The following ABHD18 variants were observed in gnomAD, a reference collection of about 807,000 sequenced individuals.
ABHD18 encodes the protein cardiolipin-specific deacylase, mitochondrial.
ABHD18 carries 55 observed loss-of-function variants against 65.9 expected under a neutral mutation model. That is an observed-to-expected ratio of 0.84 (90% CI 0.67 to 1.05). ABHD18 has a LOEUF of 1.05. Ranked by LOEUF, ABHD18 falls within the 50% of genes least tolerant of loss-of-function variation. The pLI is 0.00. For synonymous variants in ABHD18, 181 were observed against 180.2 expected (o/e 1.00, Z -0.04); for missense variants, 533 against 558.5 (o/e 0.95, Z 0.46).
intron 1 of ABHD18, among the ~76,000 whole-genome samples, chr4:127,976,557 G>A (rs1747963872): frequency 6.6e-6 from 1 of 152,022 alleles, no homozygotes; most frequent in Non-Finnish European, 1.5e-5. Context: ...ATACTGTTCA[G>A]CCTTTTGTGG....
chr4:128,035,739 T>C (rs1047303373), intron 12 of ABHD18, 23 bp from the exon 13 acceptor site: 5 of 1,453,006 alleles, frequency 3.4e-6, no homozygotes, highest in Non-Finnish European at 4.7e-6. Flanking sequence ...TACTTAGAGT[T>C]TTTCTTTCAT....
At chr4:128,027,327 T>C (rs182241767) in intron 10 of ABHD18, among the ~76,000 whole-genome samples, 17 of 152,318 alleles carry the variant, frequency 1.1e-4, no homozygotes, top group Middle Eastern at 3.4e-3. Flanking sequence ...AAGCAACACA[T>C]AAGTGTATTT....
intron 9 of ABHD18, among the ~76,000 whole-genome samples, 187 bp downstream of exon 9, chr4:128,020,356 G>C (rs1361389661): frequency 6.6e-6 from 1 of 152,220 alleles, no homozygotes; most frequent in Non-Finnish European, 1.5e-5. Context: ...GAAGGAAAAA[G>C]CGCATGAGGT....
intron 1 of ABHD18, among the ~76,000 whole-genome samples, chr4:127,974,188 G>GTTTTGT (rs1560817824): frequency 2.0e-5 from 2 of 101,488 alleles, no homozygotes; most frequent in South Asian, 3.5e-4. Flanking sequence ...CTTAAGTTCT[G>GTTTTGT]TTTTTTTTTT....
At chr4:128,033,263 A>T (rs1758463951) in intron 12 of ABHD18, among the ~76,000 whole-genome samples, 1 of 152,048 alleles carries the variant, frequency 6.6e-6, no homozygotes, top group Non-Finnish European at 1.5e-5. Flanking sequence ...CAAAAAAAAA[A>T]TTATCCAGTG....
intron 1 of ABHD18, among the ~76,000 whole-genome samples, chr4:127,978,918 A>G (rs1748469333): frequency 6.6e-6 from 1 of 152,206 alleles, no homozygotes; most frequent in Non-Finnish European, 1.5e-5. Flanking sequence ...GAAAAATCGT[A>G]AGTTGAACCA....
At chr4:127,979,931 A>C (rs888141249) in intron 1 of ABHD18, among the ~76,000 whole-genome samples, 2 of 151,794 alleles carry the variant, frequency 1.3e-5, no homozygotes, top group African/African-American at 4.8e-5. Flanking sequence ...AAAAAAAAAA[A>C]AAAAGACAAT....
At chr4:127,987,559 A>C (rs1750183115) in intron 3 of ABHD18, among the ~76,000 whole-genome samples, 1 of 151,794 alleles carries the variant, frequency 6.6e-6, no homozygotes, top group Non-Finnish European at 1.5e-5. Flanking sequence ...AAAATAGAAA[A>C]AAATTGGCCA....
At position 128,020,934 on chromosome 4, in the gene ABHD18, G is replaced by A. The variant is rs566888685; in HGVS notation, c.700-203G>A. ...CTGTAGTCTCAGCTACTTGGGAGGCGGAGGCAGGAGAATTGCTTGAACCCA... is the reference window on the plus strand; with the variant it reads ...CTGTAGTCTCAGCTACTTGGGAGGCAGAGGCAGGAGAATTGCTTGAACCCA... On this transcript the variant is annotated intron_variant, in intron 9 of 12. Coordinates refer to ENST00000645843, the MANE Select transcript of ABHD18 (RefSeq NM_001358451.3). Among the ~76,000 whole-genome samples the A allele has an allele frequency of 3.9e-5, 6 of 151,950 alleles. No individual in the cohort carries two copies. The East Asian group carries it at 5.8e-4, about 15-fold the overall frequency.
chr4:127,982,834 T>G, intron 1 of ABHD18, 105 bp from the exon 2 acceptor site: 1 of 612,156 alleles, frequency 1.6e-6, no homozygotes, highest in Non-Finnish European at 2.8e-6. Context: ...TTAATTCGTC[T>G]CAATCTTTAA....
intron 10 of ABHD18, among the ~76,000 whole-genome samples, chr4:128,022,381 G>C (rs531655517): frequency 3.8e-4 from 58 of 152,248 alleles, no homozygotes; most frequent in Non-Finnish European, 7.5e-4. Flanking sequence ...CATTCTCATG[G>C]TACAGTTCAG....
intron 7 of ABHD18, among the ~76,000 whole-genome samples, chr4:128,014,253 G>A (rs1168366033): frequency 6.6e-6 from 1 of 152,180 alleles, no homozygotes; most frequent in Non-Finnish European, 1.5e-5. Context: ...AAAGTGCTGG[G>A]ATTACAGGCA....
chr4:127,971,350 T>G (rs1464714452), intron 1 of ABHD18, among the ~76,000 whole-genome samples: 1 of 151,848 alleles, frequency 6.6e-6, no homozygotes, highest in Non-Finnish European at 1.5e-5. Flanking sequence ...GATATATTGA[T>G]GCTGTATATT....
At chr4:128,029,940 T>C (rs918453153) in intron 11 of ABHD18, among the ~76,000 whole-genome samples, 4 of 152,112 alleles carry the variant, frequency 2.6e-5, no homozygotes, top group Admixed American at 2.6e-4. Flanking sequence ...TGAGCTATGA[T>C]TGCACCACTG....
chr4:128,021,691 C>T (rs1369880662), intron 10 of ABHD18, among the ~76,000 whole-genome samples: 2 of 152,076 alleles, frequency 1.3e-5, no homozygotes, highest in African/African-American at 4.8e-5. Context: ...AAATAAAACA[C>T]AGATACAGAG....
At chr4:127,985,772 G>C (rs1452084036) in intron 3 of ABHD18, among the ~76,000 whole-genome samples, 1 of 152,070 alleles carries the variant, frequency 6.6e-6, no homozygotes, top group Non-Finnish European at 1.5e-5. Flanking sequence ...GGGAGGCCAA[G>C]GCGGGCAGAT....
chr4:127,970,826 G>C (rs1340182868), intron 1 of ABHD18, among the ~76,000 whole-genome samples: 1 of 151,898 alleles, frequency 6.6e-6, no homozygotes, highest in East Asian at 1.9e-4. Context: ...TGTAATCCCA[G>C]CACTTTGGGA....
intron 10 of ABHD18, among the ~76,000 whole-genome samples, chr4:128,027,849 A>G (rs980634616): frequency 1.3e-5 from 2 of 152,176 alleles, no homozygotes; most frequent in Non-Finnish European, 2.9e-5. Context: ...AACTTTGGCT[A>G]TAAAAAAAAA....
intron 4 of ABHD18, among the ~76,000 whole-genome samples, chr4:127,996,824 C>T (rs1388080321): frequency 4.6e-5 from 7 of 152,216 alleles, no homozygotes; most frequent in Admixed American, 1.3e-4. Flanking sequence ...TTCTCCTACT[C>T]GCTTTCTGCA....
Sources: gnomAD v4.1 joint callset for allele counts (sites outside exome capture counted in the v4.1 genomes callset) on GRCh38, gnomAD v4.1.1 for gene constraint, MANE v1.5 for transcripts, NCBI Gene and HGNC (gene_info 2026-07-23, HGNC 2026-07-21) for gene names.